The following FARP1 variants were observed in gnomAD, a reference collection of about 807,000 sequenced individuals.
The protein encoded by FARP1 is FERM, ARHGEF and pleckstrin domain-containing protein 1.
FARP1 carries 52 observed loss-of-function variants against 128.8 expected under a neutral mutation model. That is an observed-to-expected ratio of 0.40 (90% CI 0.32 to 0.51). The LOEUF is 0.51. FARP1 is among the 20% of genes least tolerant of loss of function. The pLI, the probability that FARP1 is intolerant of heterozygous loss-of-function variation, is 0.45. For missense variants in FARP1, 1,333 were observed against 1,367.9 expected, an observed-to-expected ratio of 0.97 and a Z score of 0.40; for synonymous variants, 580 against 551.8, an observed-to-expected ratio of 1.05 and a Z score of -0.72.
In FARP1 at chr13:98,421,852, C is replaced by CT. The variant is rs200674428; in HGVS notation, c.1827-2717dup. ...TGGGTGACAAAGCAAGACCCCATAT[C>CT]TTTAAAAAAAAAAAATTTTTTTTAA... is the stretch of plus-strand genomic sequence containing the variant. On this transcript the variant is annotated intron_variant, in intron 16 of 26. Coordinates refer to ENST00000319562, the MANE Select transcript of FARP1 (RefSeq NM_005766.4). Among the ~76,000 whole-genome samples, 614 of 143,332 alleles carry CT rather than the reference C, an allele frequency of 4.3e-3. 3 individuals carry two copies. The highest frequency in any genetic ancestry group is 0.015 in the African/African-American group (594 of 38,334). 94.0% of individuals were successfully genotyped at this position (143,332 alleles called of 152,430 possible). A position where few individuals can be genotyped will look rare whatever the true frequency, so the allele number is the denominator to read the frequency against.
rs866324833 is a variant in FARP1 at position 98,176,903 on chromosome 13, C to T, written c.-24+33411C>T. 1.1e-5 allele frequency: 18 copies of T among 1,605,490 alleles called. No homozygotes were observed. The highest frequency in any genetic ancestry group is 1.5e-5 in the Non-Finnish European group (18 of 1,179,930). ...TTCTCGGTGTCCTGCTCGAAGTCAG[C>T]GGTGGCCCCCATGTCCTCTGGCCCC... On this transcript the variant is annotated intron_variant, in intron 1 of 26. Transcript: ENST00000319562. This position sits in a 1 kb window ranked among gnomAD's most constrained non-coding sequence, Gnocchi z 6.2.
chr13:98,394,146 G>C (rs748125529), intron 12 of FARP1, among the ~76,000 whole-genome samples: 3 of 152,310 alleles, frequency 2.0e-5, no homozygotes, highest in Non-Finnish European at 4.4e-5. Flanking sequence ...TGGTCGGCGA[G>C]TTCCCAGAGC....
At position 98,210,304 on chromosome 13, in the gene FARP1, A is replaced by G. The variant is rs1246836738; in HGVS notation, c.-23-2916A>G. 2.0e-5 allele frequency among the ~76,000 whole-genome samples: 3 copies of G among 151,920 alleles called. No individual in the cohort carries two copies. The East Asian group carries it at 5.8e-4, about 29-fold the overall frequency. ...TCCATGACCCTCACCATTGGGCCTG[A>G]TGGTTCATTTTGCTTTTTTGGTTAT... On this transcript the variant is annotated intron_variant, in intron 1 of 26. Coordinates refer to ENST00000319562, the MANE Select transcript of FARP1 (RefSeq NM_005766.4).
chr13:98,309,316 A>G (rs1360839914), intron 2 of FARP1, among the ~76,000 whole-genome samples: 17 of 147,198 alleles, frequency 1.2e-4, no homozygotes, highest in Admixed American at 3.4e-4. Context: ...ACAGGCGCCC[A>G]CCATCACGCC....
intron 2 of FARP1, among the ~76,000 whole-genome samples, chr13:98,220,074 G>T (rs1484508929): frequency 6.6e-6 from 1 of 151,350 alleles, no homozygotes; most frequent in Non-Finnish European, 1.5e-5. Flanking sequence ...TCCCCGCAAA[G>T]AGGTGAAATA....
intron 12 of FARP1, 115 bp downstream of exon 12, chr13:98,393,833 C>A: frequency 1.3e-6 from 1 of 775,342 alleles, no homozygotes; most frequent in Non-Finnish European, 2.2e-6. Flanking sequence ...GGGTTTTTAG[C>A]AGATGAGAAT....
intron 18 of FARP1, 152 bp from the exon 19 acceptor site, chr13:98,435,424 A>G (rs1892216105): frequency 1.5e-6 from 1 of 679,774 alleles, no homozygotes; most frequent in Non-Finnish European, 2.4e-6. Flanking sequence ...AATTTTTATT[A>G]TAGAGAAATA....
chr13:98,284,539 G>GA (rs1046221178), intron 2 of FARP1, among the ~76,000 whole-genome samples: 7 of 151,604 alleles, frequency 4.6e-5, no homozygotes, highest in Admixed American at 1.3e-4. Context: ...AGATATTTGG[G>GA]AAAAAAAATA....
At chr13:98,442,272 C>T (rs1267156359) in intron 24 of FARP1, among the ~76,000 whole-genome samples, 1 of 152,242 alleles carries the variant, frequency 6.6e-6, no homozygotes, top group Non-Finnish European at 1.5e-5. Flanking sequence ...TTGGAACCAA[C>T]AGCAGCAGGA....
chr13:98,245,226 G>T, intron 2 of FARP1: 1 of 985,354 alleles, frequency 1.0e-6, no homozygotes, highest in South Asian at 4.7e-5. Flanking sequence ...AGTAATTTTT[G>T]TGTAACTTTT....
chr13:98,343,764 A>G lies in FARP1; in HGVS notation c.174A>G (p.Gln58=), dbSNP rs771198088. The G allele has an allele frequency of 8.7e-6, 14 of 1,612,920 alleles. No individual in the cohort carries two copies. The highest frequency in any genetic ancestry group is 1.0e-5 in the Non-Finnish European group (12 of 1,178,880). The change falls in exon 3 of 27, where the codon CAA becomes CAG. Residue 58 remains glutamine (Q), a splice_region_variant and synonymous_variant. Transcript: ENST00000319562. ...ACCCCTGTTGTTTCTGCTCACAGCA[A>G]AGAGCTCCTGGGAAGGTGCTGCTGG... The part of the protein sequence containing the change: ...DDTQEAFEVP[Q]RAPGKVLLDA...
intron 1 of FARP1, among the ~76,000 whole-genome samples, chr13:98,152,848 G>A (rs1876110598): frequency 1.3e-5 from 2 of 152,134 alleles, no homozygotes; most frequent in Admixed American, 6.6e-5. Flanking sequence ...ATGTGTGCAA[G>A]TCGTGCAACT....
intron 24 of FARP1, among the ~76,000 whole-genome samples, chr13:98,443,913 C>T (rs1306758899): frequency 7.0e-4 from 5 of 7,188 alleles, no homozygotes; most frequent in East Asian, 0.016. Flanking sequence ...CAGGGAGTGG[C>T]GGGCACGGGG....
chr13:98,358,889 A>G (rs753332042), intron 3 of FARP1, among the ~76,000 whole-genome samples: 1 of 152,124 alleles, frequency 6.6e-6, no homozygotes, highest in Non-Finnish European at 1.5e-5. Context: ...CGCCTGCCTC[A>G]GCCTCCCAAA....
chr13:98,446,122 A>T lies in FARP1; in HGVS notation c.2821A>T (p.Arg941Trp). 6.2e-7 allele frequency: 1 copy of T among 1,613,850 alleles called. No individual in the cohort carries two copies. The highest frequency in any genetic ancestry group is 8.5e-7 in the Non-Finnish European group (1 of 1,179,824). ...VENQLSGNLLRKFKNSNGWQK... is the reference protein window; with the variant it reads ...VENQLSGNLLWKFKNSNGWQK... ...GAATCAGTTGTCTGGAAACCTGCTG[A>T]GGAAATTCAAAAACAGCAACGGGTG... The change falls in exon 25 of 27, where the codon AGG becomes TGG. Residue 941 changes from arginine (R) to tryptophan (W), a missense_variant. Physicochemically the swap from Arg to Trp is moderately radical, Grantham distance 101. Around this residue, in one of 2 missense-constraint regions of FARP1, gnomAD observed 1,009 missense variants for 969.8 expected, o/e 1.04. Coordinates refer to ENST00000319562, the MANE Select transcript of FARP1 (RefSeq NM_005766.4).
intron 2 of FARP1, among the ~76,000 whole-genome samples, chr13:98,269,060 C>T (rs1312565887): frequency 6.6e-6 from 1 of 151,964 alleles, no homozygotes; most frequent in Non-Finnish European, 1.5e-5. Context: ...AGTTAAGGGA[C>T]TCTGTGGATG....
At chr13:98,347,866 G>T (rs1448873531) in intron 3 of FARP1, among the ~76,000 whole-genome samples, 1 of 152,146 alleles carries the variant, frequency 6.6e-6, no homozygotes, top group Non-Finnish European at 1.5e-5. Context: ...CCATTTCTCT[G>T]TGTGTGATGT....
In FARP1 at chr13:98,245,430, A is replaced by G. The variant is rs553934258; in HGVS notation, c.171+32017A>G. ...AGTGTTTTATGTGACAAAATCATAC[A>G]CTGCAGCAACTAAGTAATACGAAGT... is the stretch of plus-strand genomic sequence containing the variant. On this transcript the variant is annotated intron_variant, in intron 2 of 26. Transcript: ENST00000319562. 52 of 669,904 alleles carry G rather than the reference A, an allele frequency of 7.8e-5. No individual in the cohort carries two copies. In the African/African-American group the frequency reaches 8.6e-4, roughly 11 times the overall value. The allele number at this position is 669,904 out of a possible 1,614,324, so 41.5% of individuals were successfully genotyped here. A position where few individuals can be genotyped will look rare whatever the true frequency, so the allele number is the denominator to read the frequency against.
intron 12 of FARP1, among the ~76,000 whole-genome samples, chr13:98,393,968 G>A (rs1244176338): frequency 1.3e-5 from 2 of 152,204 alleles, no homozygotes; most frequent in East Asian, 3.9e-4. Context: ...GGTGCTCTAA[G>A]CCACTGAGAA....
Sources: gnomAD v4.1 joint callset for allele counts (sites outside exome capture counted in the v4.1 genomes callset) on GRCh38, gnomAD v4.1.1 for gene constraint, gnomAD v4.1.1 regional missense constraint, Gnocchi (gnomAD v3.1) non-coding constraint, MANE v1.5 for transcripts, NCBI Gene and HGNC (gene_info 2026-07-23, HGNC 2026-07-21) for gene names.